The following OR52A5 variants were observed in gnomAD, a reference collection of about 807,000 sequenced individuals.
OR52A5 encodes olfactory receptor family 52 subfamily A member 5.
In OR52A5, 16 loss-of-function variants were observed where a neutral mutation model predicts 18.2. The observed-to-expected ratio is 0.88, with a 90% confidence interval of 0.60 to 1.34. The LOEUF is 1.34. Among genes scored for constraint, OR52A5 ranks in the 40% most tolerant of loss-of-function variants. The probability of loss-of-function intolerance (pLI) is 0.00; values close to 1 mark genes in which losing one functional copy is unlikely to be tolerated. For missense variants in OR52A5, 418 were observed against 383.0 expected (o/e 1.09, Z -0.76); for synonymous variants, 140 against 137.2 (o/e 1.02, Z -0.14).
Position 5,131,905 on chromosome 11 carries a change from G to T in OR52A5, c.738C>A (p.Ala246=), listed in dbSNP as rs768051712. Residue 246 remains alanine (A), a synonymous_variant, in exon 2 of 2, where the codon GCC becomes GCA. Coordinates refer to ENST00000307388, the MANE Select transcript of OR52A5 (RefSeq NM_001005160.3). ...ARFKAFNTCI[A]HICVFLQFYL... is the part of the protein sequence containing the mutation. ...AGAACTGTAGGAAGACACAAATGTG[G>T]GCAATGCATGTATTAAAGGCCTTGA... The T allele has an allele frequency of 2.1e-5, 34 of 1,614,038 alleles. No homozygotes were observed. The South Asian group carries it at 3.3e-4, about 16-fold the overall frequency.
At position 5,131,893 on chromosome 11, in the gene OR52A5, G is replaced by A. The variant is rs1333788333; in HGVS notation, c.750C>T (p.Val250=). The A allele has an allele frequency of 6.8e-6, 11 of 1,614,156 alleles. No homozygotes were observed. Among genetic ancestry groups the A allele is most frequent in the Non-Finnish European group, 9.3e-6 (11 of 1,180,036 alleles). The change falls in exon 2 of 2, where the codon GTC becomes GTT. Residue 250 remains valine, a synonymous_variant. Transcript: ENST00000307388. ...AFNTCIAHIC[V]FLQFYLLAFF... ...AGGCAAGAAGGTAGAACTGTAGGAA[G>A]ACACAAATGTGGGCAATGCATGTAT...
At position 5,131,869 on chromosome 11, in the gene OR52A5, G is replaced by T; in HGVS notation, c.774C>A (p.Ala258=). 6.2e-7 allele frequency: 1 copy of T among 1,614,130 alleles called. No homozygotes were observed. The highest frequency in any genetic ancestry group is 8.5e-7 in the Non-Finnish European group (1 of 1,180,038). The change falls in exon 2 of 2, where the codon GCC becomes GCA. Residue 258 remains alanine, a synonymous_variant. Coordinates refer to ENST00000307388, the MANE Select transcript of OR52A5 (RefSeq NM_001005160.3). Reference sequence around the variant, plus strand: ...ACCTGTGTGTGAAGAAAGAGAAGAAGGCAAGAAGGTAGAACTGTAGGAAGA... The same window carrying T: ...ACCTGTGTGTGAAGAAAGAGAAGAATGCAAGAAGGTAGAACTGTAGGAAGA... ...ICVFLQFYLL[A]FFSFFTHRFG... is the part of the protein sequence containing the mutation.
intron 1 of OR52A5, among the ~76,000 whole-genome samples, chr11:5,134,761 A>G (rs1398082446): frequency 6.6e-6 from 1 of 151,958 alleles, no homozygotes; most frequent in Non-Finnish European, 1.5e-5. Flanking sequence ...ATGGTTGATT[A>G]TATTAATGAA....
At chr11:5,135,488 C>G (rs1846384560) in intron 1 of OR52A5, among the ~76,000 whole-genome samples, 1 of 152,166 alleles carries the variant, frequency 6.6e-6, no homozygotes, top group Non-Finnish European at 1.5e-5. Context: ...TGATCCAAGG[C>G]ACTCTAAAAT....
intron 1 of OR52A5, among the ~76,000 whole-genome samples, chr11:5,136,564 A>G (rs1846394442): frequency 6.6e-6 from 1 of 152,188 alleles, no homozygotes; most frequent in Non-Finnish European, 1.5e-5. Context: ...GTTATAACCT[A>G]AGACTTCACA....
Position 5,128,998 on chromosome 11 carries a change from A to G in OR52A5, c.*2694T>C, listed in dbSNP as rs1463257424. Reference sequence around the variant, plus strand: ...GCATGTGAATTCCATCTCAGTAAAAATAAACAATTGAATAAAGATCACCAA... The same window carrying G: ...GCATGTGAATTCCATCTCAGTAAAAGTAAACAATTGAATAAAGATCACCAA... On this transcript the variant is annotated 3_prime_UTR_variant, in exon 2 of 2. Transcript: ENST00000307388. The G allele has an allele frequency of 6.6e-6, 1 of 152,118 alleles. No individual in the cohort carries two copies. The highest frequency in any genetic ancestry group is 1.5e-5 in the Non-Finnish European group (1 of 68,008). 9.4% of individuals were successfully genotyped at this position (152,118 alleles called of 1,614,324 possible).
In OR52A5 at chr11:5,132,138, G is replaced by A. The variant is rs1289341875; in HGVS notation, c.505C>T (p.Leu169=). Residue 169 remains leucine (L), a synonymous_variant, in exon 2 of 2, where the codon CTG becomes TTG. Coordinates refer to ENST00000307388, the MANE Select transcript of OR52A5 (RefSeq NM_001005160.3). ...IPSLGLIKCC[L]KHYRTTVISH... ...ATGACTGTAGTTCGATAGTGTTTCA[G>A]ACAGCATTTGATGAGCCCTAAGGAA... is the stretch of plus-strand genomic sequence containing the variant. The A allele has an allele frequency of 1.2e-6, 2 of 1,614,052 alleles. No individual in the cohort carries two copies. The highest frequency in any genetic ancestry group is 1.3e-5 in the African/African-American group (1 of 74,916).
At position 5,130,151 on chromosome 11, in the gene OR52A5, T is replaced by C. The variant is rs1430743571; in HGVS notation, c.*1541A>G. 3 of 152,148 alleles carry C rather than the reference T, an allele frequency of 2.0e-5. No homozygotes were observed. The highest frequency in any genetic ancestry group is 1.5e-5 in the Non-Finnish European group (1 of 68,008). 9.4% of individuals were successfully genotyped at this position (152,148 alleles called of 1,614,324 possible). ...TAGACCTATGTTGAAATTTTTATTT[T>C]CTGTTGATTTTTTTCCAATATGGGT... On this transcript the variant is annotated 3_prime_UTR_variant, in exon 2 of 2. Coordinates refer to ENST00000307388, the MANE Select transcript of OR52A5 (RefSeq NM_001005160.3).
At chr11:5,137,802 A>G (rs548160900) in intron 1 of OR52A5, among the ~76,000 whole-genome samples, 1 of 152,328 alleles carries the variant, frequency 6.6e-6, no homozygotes, top group Admixed American at 6.5e-5. Context: ...GGTAAAATAG[A>G]AAGAGACACA....
chr11:5,131,470 AT>A lies in OR52A5; in HGVS notation c.*221del, dbSNP rs983252590. 3.0e-6 allele frequency: 1 copy of A among 330,970 alleles called. No individual in the cohort carries two copies. Among genetic ancestry groups the A allele is most frequent in the African/African-American group, 2.1e-5 (1 of 48,182 alleles). 20.5% of individuals were successfully genotyped at this position (330,970 alleles called of 1,614,324 possible). A position where few individuals can be genotyped will look rare whatever the true frequency, so the allele number is the denominator to read the frequency against. ...ATATCGGTATTACTGATTTCATATT[AT>A]TTTTATATTGATAAGTATTTCAGAT... On this transcript the variant is annotated 3_prime_UTR_variant, in exon 2 of 2. Transcript: ENST00000307388.
chr11:5,133,756 T>C (rs1846366436), intron 1 of OR52A5, among the ~76,000 whole-genome samples: 1 of 152,262 alleles, frequency 6.6e-6, no homozygotes, highest in Non-Finnish European at 1.5e-5. Context: ...CCCTCTAATT[T>C]TCATTACCTA....
In OR52A5 at chr11:5,132,669, G is replaced by A; in HGVS notation, c.-27C>T. 1 of 1,446,652 alleles carries A rather than the reference G, an allele frequency of 6.9e-7. No homozygotes were observed. Among genetic ancestry groups the A allele is most frequent in the Non-Finnish European group, 9.4e-7 (1 of 1,059,566 alleles). The allele number at this position is 1,446,652 out of a possible 1,614,324, so 89.6% of individuals were successfully genotyped here. A position where few individuals can be genotyped will look rare whatever the true frequency, so the allele number is the denominator to read the frequency against. On this transcript the variant is annotated 5_prime_UTR_variant, in exon 2 of 2. Transcript: ENST00000307388. ...ATTTGTTCATCAGAATCAAGTGGTAGATTTGCTGTTTCATCTTCTATTCTC... is the reference window on the plus strand; with the variant it reads ...ATTTGTTCATCAGAATCAAGTGGTAAATTTGCTGTTTCATCTTCTATTCTC...
rs1846314353 is a variant in OR52A5, at chr11:5,129,434, T to C, written c.*2258A>G. On this transcript the variant is annotated 3_prime_UTR_variant, in exon 2 of 2. Transcript: ENST00000307388. ...TAGCTAGGATACCTATTTATCCATC[T>C]TTAACTTAAGGCAATCCCTTCGAGC... is the stretch of plus-strand genomic sequence containing the variant. The C allele has an allele frequency of 6.6e-6, 1 of 152,200 alleles. No homozygotes were observed. Among genetic ancestry groups the C allele is most frequent in the African/African-American group, 2.4e-5 (1 of 41,466 alleles). 9.4% of individuals were successfully genotyped at this position (152,200 alleles called of 1,614,324 possible).
At chr11:5,133,678 G>A (rs1846365254) in intron 1 of OR52A5, among the ~76,000 whole-genome samples, 1 of 151,690 alleles carries the variant, frequency 6.6e-6, no homozygotes, top group Admixed American at 6.6e-5. Context: ...TCCTATCAAA[G>A]CTTCTTCTCA....
intron 1 of OR52A5, among the ~76,000 whole-genome samples, chr11:5,137,756 C>T (rs1846405589): frequency 6.6e-6 from 1 of 152,104 alleles, no homozygotes; most frequent in African/African-American, 2.4e-5. Context: ...GCCCTTGAGC[C>T]AGTTGTGAAA....
Position 5,129,355 on chromosome 11 carries a change from G to A in OR52A5, c.*2337C>T, listed in dbSNP as rs1408459856. 1 of 152,074 alleles carries A rather than the reference G, an allele frequency of 6.6e-6. No homozygotes were observed. Among genetic ancestry groups the A allele is most frequent in the Admixed American group, 6.6e-5 (1 of 15,264 alleles). The allele number at this position is 152,074 out of a possible 1,614,324, so 9.4% of individuals were successfully genotyped here. A position where few individuals can be genotyped will look rare whatever the true frequency, so the allele number is the denominator to read the frequency against. ...AGAAGAGGAAATAACATGCCCAGGAGTATGTAGAATGTTAAAGGAAGGGTA... is the reference window on the plus strand; with the variant it reads ...AGAAGAGGAAATAACATGCCCAGGAATATGTAGAATGTTAAAGGAAGGGTA... On this transcript the variant is annotated 3_prime_UTR_variant, in exon 2 of 2. Coordinates refer to ENST00000307388, the MANE Select transcript of OR52A5 (RefSeq NM_001005160.3).
At chr11:5,133,672 A>G (rs1036461823) in intron 1 of OR52A5, among the ~76,000 whole-genome samples, 2 of 152,012 alleles carry the variant, frequency 1.3e-5, no homozygotes, top group African/African-American at 4.8e-5. Context: ...AGCACTTCCT[A>G]TCAAAGCTTC....
chr11:5,133,481 T>G (rs1564849869), intron 1 of OR52A5, among the ~76,000 whole-genome samples: 1 of 151,168 alleles, frequency 6.6e-6, no homozygotes, highest in Non-Finnish European at 1.5e-5. Context: ...CTGGCTGTTT[T>G]TTTTTTTTTT....
chr11:5,132,079 C>T lies in OR52A5; in HGVS notation c.564G>A (p.Val188=). The T allele has an allele frequency of 6.2e-7, 1 of 1,614,192 alleles. No individual in the cohort carries two copies. The highest frequency in any genetic ancestry group is 2.2e-5 in the East Asian group (1 of 44,878). ...SHSYCEHMAI[V]KLATEDIRVN... Reference sequence around the variant, plus strand: ...CTCGGATATCTTCAGTAGCCAGCTTCACGATGGCCATGTGCTCACAGTAAG... The same window carrying T: ...CTCGGATATCTTCAGTAGCCAGCTTTACGATGGCCATGTGCTCACAGTAAG... Residue 188 remains valine (V), a synonymous_variant, in exon 2 of 2, where the codon GTG becomes GTA. Transcript: ENST00000307388.
Sources: allele counts gnomAD v4.1 joint callset (sites outside exome capture counted in the v4.1 genomes callset), GRCh38; gene constraint gnomAD v4.1.1; transcripts MANE v1.5; gene names NCBI Gene and HGNC (gene_info 2026-07-23, HGNC 2026-07-21).